Variants in APBB1IP observed in about 807,000 individuals in gnomAD.
APBB1IP encodes amyloid beta A4 precursor protein-binding family B member 1-interacting protein.
A neutral mutation model predicts 64.9 loss-of-function variants in APBB1IP; 27 were observed. The ratio of observed to expected loss-of-function variants is 0.42; its 90% CI spans 0.31 to 0.57. The LOEUF is 0.57. Among genes scored for constraint, APBB1IP ranks in the 20% least tolerant of loss-of-function variants. The pLI is 0.20. For synonymous variants in APBB1IP, 392 were observed against 331.0 expected, an observed-to-expected ratio of 1.18 and a Z score of -2.00; for missense variants, 812 against 845.5, an observed-to-expected ratio of 0.96 and a Z score of 0.49.
Position 26,503,121 on chromosome 10 carries a change from A to G in APBB1IP, c.454-76A>G, listed in dbSNP as rs1836127041. ...TTTGTTAATACAACGTAGCTGAGAC[A>G]CTAGCAATGACAGAAGTGATTACTC... On this transcript the variant is annotated intron_variant, in intron 5 of 14. Coordinates refer to ENST00000376236, the MANE Select transcript of APBB1IP (RefSeq NM_019043.4). 3.7e-6 allele frequency: 5 copies of G among 1,369,284 alleles called. No individual in the cohort carries two copies. The South Asian group carries it at 5.0e-5, about 14-fold the overall frequency. 84.8% of individuals were successfully genotyped at this position (1,369,284 alleles called of 1,614,324 possible).
intron 3 of APBB1IP, among the ~76,000 whole-genome samples, 160 bp downstream of exon 3, chr10:26,492,558 G>A (rs555517451): frequency 5.9e-5 from 9 of 152,200 alleles, no homozygotes; most frequent in East Asian, 1.9e-4. Context: ...CCTAAGTGAC[G>A]GCGGGTCTGA....
At chr10:26,448,954 C>G (rs2992258) in intron 2 of APBB1IP, among the ~76,000 whole-genome samples, 2 of 152,042 alleles carry the variant, frequency 1.3e-5, no homozygotes, top group East Asian at 1.9e-4. Context: ...AAGCATAACA[C>G]TCTCATCGAC....
At chr10:26,549,671 C>T (rs1836806872) in intron 11 of APBB1IP, among the ~76,000 whole-genome samples, 1 of 151,526 alleles carries the variant, frequency 6.6e-6, no homozygotes, top group Non-Finnish European at 1.5e-5. Flanking sequence ...TCTTTCTTTT[C>T]ATCTTTCATT....
At chr10:26,468,846 T>C (rs1055942354) in intron 2 of APBB1IP, among the ~76,000 whole-genome samples, 3 of 152,186 alleles carry the variant, frequency 2.0e-5, no homozygotes, top group Admixed American at 2.0e-4. Flanking sequence ...GCAAAGGATT[T>C]CATCATTCCT....
chr10:26,562,424 T>G lies in APBB1IP; in HGVS notation c.1468T>G (p.Ser490Ala). 2.5e-6 allele frequency: 4 copies of G among 1,613,506 alleles called. No individual in the cohort carries two copies. The highest frequency in any genetic ancestry group is 3.4e-6 in the Non-Finnish European group (4 of 1,179,606). ...LQEAQRHAET[S>A]KDKKPALGNH... is the part of the protein sequence containing the mutation. ...AGAGGCCCAGAGACATGCTGAAACA[T>G]CGAAGGTAAAACCAGCAAGCAGCTG... The change falls in exon 14 of 15, where the codon TCG becomes GCG. Residue 490 changes from serine to alanine, a missense_variant. Transcript: ENST00000376236.
chr10:26,481,046 T>G (rs1835828984), intron 2 of APBB1IP, among the ~76,000 whole-genome samples: 1 of 151,928 alleles, frequency 6.6e-6, no homozygotes, highest in African/African-American at 2.4e-5. Context: ...AGTTCCCCAT[T>G]CCTTATATAG....
chr10:26,452,263 A>T (rs1835473769), intron 2 of APBB1IP, among the ~76,000 whole-genome samples: 1 of 152,234 alleles, frequency 6.6e-6, no homozygotes, highest in Non-Finnish European at 1.5e-5. Context: ...AGACGAGGAA[A>T]CTAAGCTGAG....
intron 8 of APBB1IP, among the ~76,000 whole-genome samples, chr10:26,523,077 A>T (rs867874580): frequency 6.6e-6 from 1 of 151,992 alleles, no homozygotes; most frequent in Non-Finnish European, 1.5e-5. Flanking sequence ...AATGTTAGAA[A>T]TAGATTAGGT....
chr10:26,461,981 A>T (rs1035350190), intron 2 of APBB1IP, among the ~76,000 whole-genome samples: 2 of 152,198 alleles, frequency 1.3e-5, no homozygotes, highest in African/African-American at 4.8e-5. Context: ...TTGTTTATGT[A>T]GACAATTGTA....
chr10:26,442,983 T>A (rs1444166934), intron 2 of APBB1IP, among the ~76,000 whole-genome samples: 1 of 152,212 alleles, frequency 6.6e-6, no homozygotes, highest in Non-Finnish European at 1.5e-5. Context: ...TGCTGTTCAG[T>A]AAAGACAGCT....
chr10:26,502,270 A>G (rs1836112859), intron 5 of APBB1IP, among the ~76,000 whole-genome samples: 1 of 152,238 alleles, frequency 6.6e-6, no homozygotes, highest in Admixed American at 6.5e-5. Context: ...TGGGCTCATA[A>G]AATACTTCAC....
At chr10:26,448,931 C>T (rs1450028745) in intron 2 of APBB1IP, among the ~76,000 whole-genome samples, 4 of 152,094 alleles carry the variant, frequency 2.6e-5, no homozygotes, top group Admixed American at 1.3e-4. Context: ...TTTGCTTCCA[C>T]CTGCTAGTTC....
At chr10:26,454,586 G>A (rs376749842) in intron 2 of APBB1IP, among the ~76,000 whole-genome samples, 5 of 152,140 alleles carry the variant, frequency 3.3e-5, no homozygotes, top group Non-Finnish European at 7.3e-5. Flanking sequence ...TAGCTGGGGT[G>A]GGGGAGATGT....
chr10:26,444,967 G>T (rs1196997732), intron 2 of APBB1IP, among the ~76,000 whole-genome samples: 2 of 151,838 alleles, frequency 1.3e-5, no homozygotes, highest in Non-Finnish European at 2.9e-5. Flanking sequence ...GCATGGTGGT[G>T]CACGCCTGTA....
chr10:26,452,948 T>G (rs982594763), intron 2 of APBB1IP, among the ~76,000 whole-genome samples: 1 of 152,236 alleles, frequency 6.6e-6, no homozygotes, highest in African/African-American at 2.4e-5. Flanking sequence ...ACTATTCTTT[T>G]TAATTAAGAT....
chr10:26,527,079 C>T (rs1254055394), intron 8 of APBB1IP, among the ~76,000 whole-genome samples: 2 of 152,216 alleles, frequency 1.3e-5, no homozygotes, highest in Non-Finnish European at 2.9e-5. Flanking sequence ...CAAGGGCAGT[C>T]TCTGACCATC....
At chr10:26,547,780 TC>T (rs1427773413) in intron 11 of APBB1IP, among the ~76,000 whole-genome samples, 1 of 152,106 alleles carries the variant, frequency 6.6e-6, no homozygotes, top group African/African-American at 2.4e-5. Context: ...CTATTTTGGG[TC>T]GATTTTTGTT....
chr10:26,452,215 T>G (rs1564348399), intron 2 of APBB1IP, among the ~76,000 whole-genome samples: 1 of 152,222 alleles, frequency 6.6e-6, no homozygotes, highest in Non-Finnish European at 1.5e-5. Flanking sequence ...GTTCCAGTCT[T>G]GCACGATTAT....
chr10:26,445,681 G>A (rs1288003030), intron 2 of APBB1IP, among the ~76,000 whole-genome samples: 2 of 152,296 alleles, frequency 1.3e-5, no homozygotes, highest in African/African-American at 2.4e-5. Context: ...TTTTGTGCCC[G>A]GAGGTTTCAA....
Sources: allele counts gnomAD v4.1 joint callset (sites outside exome capture counted in the v4.1 genomes callset), GRCh38; gene constraint gnomAD v4.1.1; transcripts MANE v1.5; gene names NCBI Gene and HGNC (gene_info 2026-07-23, HGNC 2026-07-21).